The following COL23A1 variants were observed in gnomAD, a reference collection of about 807,000 sequenced individuals.
COL23A1 encodes the protein collagen type XXIII alpha 1 chain.
A neutral mutation model predicts 99.3 loss-of-function variants in COL23A1; 97 were observed. That is an observed-to-expected ratio of 0.98 (90% confidence interval 0.83 to 1.16). The LOEUF (loss-of-function observed/expected upper bound fraction) is 1.16. COL23A1 is among the 50% of genes most tolerant of loss of function. The probability of loss-of-function intolerance (pLI) is 0.00; values close to 1 mark genes in which losing one functional copy is unlikely to be tolerated. For missense variants in COL23A1, 762 were observed against 757.4 expected, an observed-to-expected ratio of 1.01 and a Z score of -0.07; for synonymous variants, 320 against 308.2, an observed-to-expected ratio of 1.04 and a Z score of -0.40.
chr5:178,249,261 C>A (rs1764882381), intron 18 of COL23A1, 55 bp from the exon 19 acceptor site: 2 of 1,541,176 alleles, frequency 1.3e-6, no homozygotes, highest in Non-Finnish European at 1.8e-6. Context: ...CCTCCCTTCT[C>A]CCCCCAGCAG....
intron 12 of COL23A1, among the ~76,000 whole-genome samples, chr5:178,258,424 T>G (rs1581468647): frequency 8.1e-6 from 1 of 124,136 alleles, no homozygotes; most frequent in Non-Finnish European, 1.7e-5. Flanking sequence ...GTAAGGTGAG[T>G]CTCACTCTGT....
At chr5:178,517,391 T>C (rs1759580828) in intron 2 of COL23A1, among the ~76,000 whole-genome samples, 2 of 152,080 alleles carry the variant, frequency 1.3e-5, no homozygotes, top group Admixed American at 1.3e-4. Context: ...ACGGGCACTG[T>C]GGAGGGAGAG....
At chr5:178,405,050 G>C (rs1053158095) in intron 2 of COL23A1, among the ~76,000 whole-genome samples, 5 of 152,184 alleles carry the variant, frequency 3.3e-5, no homozygotes, top group Admixed American at 3.3e-4. Flanking sequence ...TCCCTCCTCA[G>C]GCTTGGCCAG....
At chr5:178,251,612 G>A (rs1765033478) in intron 17 of COL23A1, among the ~76,000 whole-genome samples, 3 of 152,148 alleles carry the variant, frequency 2.0e-5, no homozygotes, top group South Asian at 2.1e-4. Flanking sequence ...GGGGGTACAC[G>A]GGCAGGGTTG....
chr5:178,357,999 T>C (rs111217078), intron 2 of COL23A1, among the ~76,000 whole-genome samples: 7,635 of 139,258 alleles, frequency 0.055, 431 homozygotes, highest in Middle Eastern at 0.11. Flanking sequence ...TGCGTGTGTG[T>C]ATATGTATGT....
In COL23A1 at chr5:178,309,941, G is replaced by A. The variant is rs12516137; in HGVS notation, c.362-3022C>T. Among the ~76,000 whole-genome samples the A allele has an allele frequency of 4.9e-4, 10 of 20,446 alleles. No individual in the cohort carries two copies. The highest frequency in any genetic ancestry group is 2.8e-3 in the East Asian group (8 of 2,832). 13.4% of individuals were successfully genotyped at this position (20,446 alleles called of 152,430 possible). On this transcript the variant is annotated intron_variant, in intron 2 of 28. Coordinates refer to ENST00000390654, the MANE Select transcript of COL23A1 (RefSeq NM_173465.4). This position sits in a 1 kb window ranked among gnomAD's most constrained non-coding sequence, Gnocchi z 4.7. ...GATGTGTGTTCAGGGGAGGAAGGGCGGGGGGGAGAGGGAGGGAGGGAGAAG... is the reference window on the plus strand; with the variant it reads ...GATGTGTGTTCAGGGGAGGAAGGGCAGGGGGGAGAGGGAGGGAGGGAGAAG...
chr5:178,328,874 G>A (rs1226092354), intron 2 of COL23A1, among the ~76,000 whole-genome samples: 1 of 152,208 alleles, frequency 6.6e-6, no homozygotes, highest in Non-Finnish European at 1.5e-5. Flanking sequence ...ACTACTTCCA[G>A]AAGGGCAGAG....
intron 2 of COL23A1, among the ~76,000 whole-genome samples, chr5:178,537,111 A>G (rs900333959): frequency 6.6e-6 from 1 of 152,238 alleles, no homozygotes; most frequent in Non-Finnish European, 1.5e-5. Context: ...AGCGGGTGAC[A>G]TGATTTCCAT....
In COL23A1 at chr5:178,242,765, G is replaced by C. The variant is rs1170255297; in HGVS notation, c.1441-371C>G. Among the ~76,000 whole-genome samples the C allele has an allele frequency of 1.3e-5, 2 of 152,196 alleles. 1 individual carries two copies. The highest frequency in any genetic ancestry group is 4.1e-4 in the South Asian group (2 of 4,836). ...TCACTGTCTGATGGGATGAGAAATG[G>C]TGATCTCTGTTCTGTGCCCTTGGCT... On this transcript the variant is annotated intron_variant, in intron 25 of 28. Coordinates refer to ENST00000390654, the MANE Select transcript of COL23A1 (RefSeq NM_173465.4).
At chr5:178,327,614 G>T (rs2973688) in intron 2 of COL23A1, among the ~76,000 whole-genome samples, 2 of 152,020 alleles carry the variant, frequency 1.3e-5, no homozygotes, top group African/African-American at 4.8e-5. Flanking sequence ...GGAGGAGACC[G>T]GGGCTCAGGC....
intron 2 of COL23A1, among the ~76,000 whole-genome samples, chr5:178,474,502 C>A (rs1012281722): frequency 3.2e-4 from 45 of 142,432 alleles, no homozygotes; most frequent in Non-Finnish European, 2.1e-4. Context: ...AACACAGTAT[C>A]TTCTCTCTCC....
At chr5:178,547,907 C>T (rs1164327820) in intron 2 of COL23A1, among the ~76,000 whole-genome samples, 2 of 30,476 alleles carry the variant, frequency 6.6e-5, no homozygotes, top group Admixed American at 7.4e-4. Flanking sequence ...CACCCATACA[C>T]ACATCCCACA....
In COL23A1 at chr5:178,523,143, A is replaced by AATAT. The variant is rs34569306; in HGVS notation, c.361+37535_361+37538dup. ...TGATGAAACTCTGTCTCTATTTAAA[A>AATAT]ATATATATATATATATATACATATA... On this transcript the variant is annotated intron_variant, in intron 2 of 28. Transcript: ENST00000390654. Among the ~76,000 whole-genome samples, 431 of 106,210 alleles carry AATAT rather than the reference A, an allele frequency of 4.1e-3. 5 individuals carry two copies. Among genetic ancestry groups the AATAT allele is most frequent in the African/African-American group, 0.012 (372 of 31,726 alleles). 69.7% of individuals were successfully genotyped at this position (106,210 alleles called of 152,430 possible). A position where few individuals can be genotyped will look rare whatever the true frequency, so the allele number is the denominator to read the frequency against.
Position 178,590,096 on chromosome 5 carries a change from C to T in COL23A1, c.102G>A (p.Arg34=), listed in dbSNP as rs1257646818. The part of the protein sequence containing the change: ...GGRSATTAGS[R]AVSALCLLLS... ...GCAGCAGGCACAGCGCGCTCACCGC[C>T]CGGGACCCGGCCGTCGTCGCCGAGC... is the stretch of plus-strand genomic sequence containing the variant. The change falls in exon 1 of 29, where the codon CGG becomes CGA. Residue 34 remains arginine, a synonymous_variant. Transcript: ENST00000390654. This position sits in a 1 kb window ranked among gnomAD's most constrained non-coding sequence, Gnocchi z 5.7. The T allele has an allele frequency of 1.6e-6, 2 of 1,281,460 alleles. No homozygotes were observed. The highest frequency in any genetic ancestry group is 4.8e-5 in the South Asian group (2 of 41,984). 79.4% of individuals were successfully genotyped at this position (1,281,460 alleles called of 1,614,324 possible).
chr5:178,536,297 C>A (rs1215835599), intron 2 of COL23A1, among the ~76,000 whole-genome samples: 1 of 152,242 alleles, frequency 6.6e-6, no homozygotes, highest in Non-Finnish European at 1.5e-5. Context: ...ACAACAGCAC[C>A]CTGACAGACC....
chr5:178,285,316 TAA>T (rs1757095999), intron 5 of COL23A1, among the ~76,000 whole-genome samples: 1 of 152,222 alleles, frequency 6.6e-6, no homozygotes, highest in Admixed American at 6.5e-5. Context: ...TAGAAAGTGA[TAA>T]GATATTGGCA....
chr5:178,478,835 T>G (rs541045483), intron 2 of COL23A1, among the ~76,000 whole-genome samples: 1 of 152,160 alleles, frequency 6.6e-6, no homozygotes, highest in Non-Finnish European at 1.5e-5. Flanking sequence ...GAAGACTCTA[T>G]GAGAAGACTT....
intron 1 of COL23A1, among the ~76,000 whole-genome samples, chr5:178,581,488 C>T (rs1263974095): frequency 6.6e-6 from 1 of 151,798 alleles, no homozygotes; most frequent in Non-Finnish European, 1.5e-5. Context: ...ATCGCTTGAA[C>T]CCGGGAGACA....
At chr5:178,382,260 T>C (rs1296225173) in intron 2 of COL23A1, among the ~76,000 whole-genome samples, 1 of 152,120 alleles carries the variant, frequency 6.6e-6, no homozygotes, top group African/African-American at 2.4e-5. Flanking sequence ...ATCACCCACA[T>C]TGCCTGGAGG....
Sources: allele counts gnomAD v4.1 joint callset (sites outside exome capture counted in the v4.1 genomes callset), GRCh38; gene constraint gnomAD v4.1.1; non-coding constraint Gnocchi (gnomAD v3.1); transcripts MANE v1.5; gene names NCBI Gene and HGNC (gene_info 2026-07-23, HGNC 2026-07-21).